The following SPAG5 variants were observed in gnomAD, a reference collection of about 807,000 sequenced individuals.
The protein encoded by SPAG5 is sperm-associated antigen 5.
A neutral mutation model predicts 145.4 loss-of-function variants in SPAG5; 99 were observed. That is an observed-to-expected ratio of 0.68 (90% confidence interval 0.58 to 0.80). The LOEUF (loss-of-function observed/expected upper bound fraction) is 0.80, where lower values mean the gene tolerates loss of function less well. Among genes scored for constraint, SPAG5 ranks in the 30% least tolerant of loss-of-function variants. The pLI is 0.00. For missense variants in SPAG5, 1,192 were observed against 1,416.0 expected (o/e 0.84, Z 2.54); for synonymous variants, 477 against 525.4 (o/e 0.91, Z 1.26).
chr17:28,584,770 C>T (rs2070573029), intron 10 of SPAG5, 25 bp from the exon 11 acceptor site: 3 of 1,511,594 alleles, frequency 2.0e-6, no homozygotes, highest in East Asian at 4.5e-5. Context: ...TGGTTTTCCT[C>T]CTATAGTTCC....
At position 28,582,022 on chromosome 17, in the gene SPAG5, A is replaced by G. The variant is rs114671895; in HGVS notation, c.2685+1489T>C. Among the ~76,000 whole-genome samples the G allele has an allele frequency of 2.7e-3, 409 of 152,226 alleles. 1 individual carries two copies. In the Middle Eastern group the frequency reaches 0.034, roughly 13 times the overall value. On this transcript the variant is annotated intron_variant, in intron 15 of 23. Coordinates refer to ENST00000321765, the MANE Select transcript of SPAG5 (RefSeq NM_006461.4). ...CATCAAATTGGTCACTCTTACATCAAATTGGTTCTACTGCCTCTGCTTCCT... is the reference window on the plus strand; with the variant it reads ...CATCAAATTGGTCACTCTTACATCAGATTGGTTCTACTGCCTCTGCTTCCT...
intron 2 of SPAG5, among the ~76,000 whole-genome samples, chr17:28,597,211 G>A (rs1384388739): frequency 6.6e-6 from 1 of 152,160 alleles, no homozygotes; most frequent in Non-Finnish European, 1.5e-5. Context: ...GAGGTCAGGA[G>A]TTTGAGACCA....
Position 28,592,195 on chromosome 17 carries a change from A to G in SPAG5, c.1049T>C (p.Val350Ala). 2 of 1,614,148 alleles carry G rather than the reference A, an allele frequency of 1.2e-6. No individual in the cohort carries two copies. The highest frequency in any genetic ancestry group is 1.7e-6 in the Non-Finnish European group (2 of 1,180,024). ...MSPLAWLEKG[V>A]NTSVMLENLR... is the part of the protein sequence containing the mutation. ...ATTTTCCAGCATGACGGAGGTATTT[A>G]CACCTTTTTCCAGCCAGGCCAGTGG... Residue 350 changes from valine to alanine, a missense_variant, in exon 3 of 24, where the codon GTA becomes GCA. Coordinates refer to ENST00000321765, the MANE Select transcript of SPAG5 (RefSeq NM_006461.4).
intron 4 of SPAG5, among the ~76,000 whole-genome samples, chr17:28,588,504 G>C (rs1445340409): frequency 6.6e-6 from 1 of 152,178 alleles, no homozygotes; most frequent in African/African-American, 2.4e-5. Context: ...CAAATGGTAA[G>C]GTCATTACTT....
intron 4 of SPAG5, among the ~76,000 whole-genome samples, chr17:28,587,717 CAAAAAAAAAAAA>C (rs765826333): frequency 1.0e-4 from 5 of 48,870 alleles, no homozygotes; most frequent in African/African-American, 2.3e-4. Flanking sequence ...GACCTCGTCT[CAAAAAAAAAAAA>C]AAAAAAAAAA....
chr17:28,589,376 G>A (rs1194639499), intron 4 of SPAG5, among the ~76,000 whole-genome samples: 1 of 152,048 alleles, frequency 6.6e-6, no homozygotes, highest in African/African-American at 2.4e-5. Context: ...TGGGATTACA[G>A]GTATGAGCCA....
rs533640736 is a variant in SPAG5 at position 28,595,030 on chromosome 17, C to T, written c.178-1964G>A. On this transcript the variant is annotated intron_variant, in intron 2 of 23. Coordinates refer to ENST00000321765, the MANE Select transcript of SPAG5 (RefSeq NM_006461.4). Reference sequence around the variant, plus strand: ...ATCCCAGCACTTTGGGAGGCTGAGGCGGTCAGATCACAAGGTCAGGAGTTC... The same window carrying T: ...ATCCCAGCACTTTGGGAGGCTGAGGTGGTCAGATCACAAGGTCAGGAGTTC... 2.5e-4 allele frequency among the ~76,000 whole-genome samples: 38 copies of T among 151,230 alleles called. No individual in the cohort carries two copies. In the South Asian group the frequency reaches 4.6e-3, roughly 18 times the overall value.
chr17:28,598,776 CAA>C (rs1409676822), intron 1 of SPAG5, 118 bp downstream of exon 1: 1 of 1,512,078 alleles, frequency 6.6e-7, no homozygotes, highest in Non-Finnish European at 9.2e-7. Context: ...GCAAGGCGAA[CAA>C]AGACTCCACA....
Position 28,598,983 on chromosome 17 carries a change from A to T in SPAG5, c.-37T>A. 1 of 1,606,320 alleles carries T rather than the reference A, an allele frequency of 6.2e-7. No homozygotes were observed. The highest frequency in any genetic ancestry group is 8.5e-7 in the Non-Finnish European group (1 of 1,173,100). ...AGGCAGGCCTATCACGTCTCAGACC[A>T]AGTCGAGGACGCCATGTTCACCCGC... On this transcript the variant is annotated 5_prime_UTR_variant, in exon 1 of 24. Coordinates refer to ENST00000321765, the MANE Select transcript of SPAG5 (RefSeq NM_006461.4).
rs772314410 is a variant in SPAG5 at position 28,592,095 on chromosome 17, C to T, written c.1149G>A (p.Ser383=). The change falls in exon 3 of 24, where the codon TCG becomes TCA. Residue 383 remains serine, a synonymous_variant. Transcript: ENST00000321765. ...AIGTTPFSTC[S]VGTWFTPSAP... ...CTGAAGGAGTAAACCAAGTCCCCAC[C>T]GAGCAAGTAGAGAAAGGGGTAGTGC... 35 of 1,613,918 alleles carry T rather than the reference C, an allele frequency of 2.2e-5. No homozygotes were observed. Among genetic ancestry groups the T allele is most frequent in the South Asian group, 1.9e-4 (17 of 91,076 alleles).
chr17:28,579,616 C>A, intron 17 of SPAG5, 131 bp from the exon 18 acceptor site: 1 of 1,389,434 alleles, frequency 7.2e-7, no homozygotes, highest in East Asian at 2.3e-5. Context: ...CATTACAGAT[C>A]CCAGAAGGCA....
At position 28,577,743 on chromosome 17, in the gene SPAG5, T is replaced by C; in HGVS notation, c.3538A>G (p.Arg1180Gly). The C allele has an allele frequency of 1.2e-6, 2 of 1,613,946 alleles. No homozygotes were observed. The highest frequency in any genetic ancestry group is 8.5e-7 in the Non-Finnish European group (1 of 1,179,832). ...KTLLSIPEVV[R>G]GCKELQGLLE... is the part of the protein sequence containing the mutation. ...AATCCCTGTAGTTCTTTGCATCCCC[T>C]CACCACCTCTGGAATAGAGAGCAGG... The change falls in exon 24 of 24, where the codon AGG (arginine) becomes GGG (glycine). Residue 1180 changes from arginine (R) to glycine (G), a missense_variant. By Grantham distance (125) the Arg-to-Gly change is moderately radical (BLOSUM62 -2). Coordinates refer to ENST00000321765, the MANE Select transcript of SPAG5 (RefSeq NM_006461.4).
rs1052242032 is a variant in SPAG5, at chr17:28,584,230, G to T, written c.2332C>A (p.Leu778Ile). The T allele has an allele frequency of 6.2e-7, 1 of 1,613,818 alleles. No individual in the cohort carries two copies. The highest frequency in any genetic ancestry group is 2.2e-5 in the East Asian group (1 of 44,898). ...TGCAGTTCTGCCTGCATGTGTTTTA[G>T]TGCCATCTCTTCCTTTTGCCATCTG... ...AAQWQKEEMALKHMQAELQQQ... is the reference protein window; with the variant it reads ...AAQWQKEEMAIKHMQAELQQQ... The change falls in exon 13 of 24, where the codon CTA becomes ATA. Residue 778 changes from leucine to isoleucine, a missense_variant. Leu to Ile is a conservative substitution (Grantham distance 5). Around this residue, in one of 5 missense-constraint regions of SPAG5, gnomAD observed 709 missense variants for 840.7 expected, o/e 0.84. Transcript: ENST00000321765.
In SPAG5 at chr17:28,592,197, A is replaced by C. The variant is rs1190936083; in HGVS notation, c.1047T>G (p.Gly349=). The part of the protein sequence containing the change: ...WMSPLAWLEK[G]VNTSVMLENL... ...TTTCCAGCATGACGGAGGTATTTAC[A>C]CCTTTTTCCAGCCAGGCCAGTGGGG... Residue 349 remains glycine, a synonymous_variant, in exon 3 of 24, where the codon GGT becomes GGG. Coordinates refer to ENST00000321765, the MANE Select transcript of SPAG5 (RefSeq NM_006461.4). 1.2e-6 allele frequency: 2 copies of C among 1,614,082 alleles called. No homozygotes were observed. The highest frequency in any genetic ancestry group is 8.5e-7 in the Non-Finnish European group (1 of 1,180,014).
In SPAG5 at chr17:28,584,709, C is replaced by T. The variant is rs1352705855; in HGVS notation, c.2104G>A (p.Glu702Lys). The stretch of plus-strand genomic sequence containing the variant: ...TGTTCTGTTTGGCCTTTGCACTCCT[C>T]TAACTGGGCAGAGACTTGTTCCAGC... ...RVLEQVSAQL[E>K]ECKGQTEQLE... is the part of the protein sequence containing the mutation. The change falls in exon 11 of 24, where the codon GAG (glutamate) becomes AAG (lysine). Residue 702 changes from glutamate (E) to lysine (K), a missense_variant. Glu to Lys is a moderately conservative substitution (Grantham distance 56). This residue lies in a region of SPAG5 where 709 missense variants were observed against 840.7 expected (regional missense o/e 0.84). Coordinates refer to ENST00000321765, the MANE Select transcript of SPAG5 (RefSeq NM_006461.4). 7 of 1,614,164 alleles carry T rather than the reference C, an allele frequency of 4.3e-6. No homozygotes were observed. Among genetic ancestry groups the T allele is most frequent in the Non-Finnish European group, 5.9e-6 (7 of 1,180,002 alleles).
At chr17:28,595,458 A>G (rs1325331157) in intron 2 of SPAG5, among the ~76,000 whole-genome samples, 1 of 152,194 alleles carries the variant, frequency 6.6e-6, no homozygotes, top group Non-Finnish European at 1.5e-5. Context: ...TCAAAAATTT[A>G]CAAAACAGGC....
intron 2 of SPAG5, among the ~76,000 whole-genome samples, chr17:28,596,700 A>C (rs1307204481): frequency 6.6e-6 from 1 of 152,158 alleles, no homozygotes; most frequent in Non-Finnish European, 1.5e-5. Context: ...AATCATAATA[A>C]ATTCTATAAG....
chr17:28,578,894 A>G (rs1042288023), intron 19 of SPAG5, 142 bp from the exon 20 acceptor site: 7 of 760,520 alleles, frequency 9.2e-6, no homozygotes, highest in Non-Finnish European at 1.3e-5. Context: ...CCCAGGGCCA[A>G]GCCAGGCAAG....
Position 28,577,690 on chromosome 17 carries a change from T to C in SPAG5, c.*9A>G, listed in dbSNP as rs1195940330. ...AAAAGAGGTGAAGCAGATTCTGGCT[T>C]TCAGTTTCTTAGCTCAGAAATTCCA... is the stretch of plus-strand genomic sequence containing the variant. On this transcript the variant is annotated 3_prime_UTR_variant, in exon 24 of 24. Transcript: ENST00000321765. 6.2e-7 allele frequency: 1 copy of C among 1,609,208 alleles called. No homozygotes were observed. Among genetic ancestry groups the C allele is most frequent in the Non-Finnish European group, 8.5e-7 (1 of 1,175,586 alleles).
Sources: allele counts gnomAD v4.1 joint callset (sites outside exome capture counted in the v4.1 genomes callset), GRCh38; gene constraint gnomAD v4.1.1; regional missense constraint gnomAD v4.1.1; transcripts MANE v1.5; gene names NCBI Gene and HGNC (gene_info 2026-07-23, HGNC 2026-07-21).